The following CSMD2 variants were observed in gnomAD, a reference collection of about 807,000 sequenced individuals.
CSMD2 encodes the protein CUB and Sushi multiple domains 2, also known as CUB and sushi domain-containing protein 2.
In CSMD2, 130 loss-of-function variants were observed where a neutral mutation model predicts 398.5. The observed-to-expected ratio is 0.33, with a 90% CI of 0.28 to 0.38. The LOEUF (loss-of-function observed/expected upper bound fraction) is 0.38, where lower values mean the gene tolerates loss of function less well. Ranked by LOEUF, CSMD2 falls within the 10% of genes least tolerant of loss-of-function variation. The pLI is 1.00. For synonymous variants in CSMD2, 1,828 were observed against 1,908.5 expected, an observed-to-expected ratio of 0.96 and a Z score of 1.10; for missense variants, 3,829 against 4,764.9, an observed-to-expected ratio of 0.80 and a Z score of 5.78.
At chr1:33,523,710 T>C (rs1654517360) in intron 66 of CSMD2, among the ~76,000 whole-genome samples, 1 of 152,228 alleles carries the variant, frequency 6.6e-6, no homozygotes, top group Admixed American at 6.5e-5. Context: ...TATGATTTTG[T>C]CTTTTAATCT....
intron 2 of CSMD2, among the ~76,000 whole-genome samples, chr1:34,068,263 C>T (rs548597648): frequency 1.0e-3 from 153 of 152,320 alleles, no homozygotes; most frequent in African/African-American, 3.4e-3. Context: ...GTCATTCTCC[C>T]GTGGTCCCAC....
intron 5 of CSMD2, chr1:33,862,457 C>T (rs1639612446): frequency 6.7e-6 from 1 of 149,350 alleles, no homozygotes; most frequent in Admixed American, 6.8e-5. Context: ...CCTCATGTCC[C>T]ATCTTTTGAT....
At position 33,665,464 on chromosome 1, in the gene CSMD2, T is replaced by C. The variant is rs1644278786; in HGVS notation, c.4053-2372A>G. On this transcript the variant is annotated intron_variant, in intron 25 of 70. Coordinates refer to ENST00000373381, the MANE Select transcript of CSMD2 (RefSeq NM_001281956.2). ...TGTATAGTTTCTTTCTTCTCTCTTT[T>C]TTTTTTTTTTTTTTTTTTTTTTGCG... Among the ~76,000 whole-genome samples, 3 of 139,910 alleles carry C rather than the reference T, an allele frequency of 2.1e-5. 1 individual carries two copies. The highest frequency in any genetic ancestry group is 8.1e-5 in the African/African-American group (3 of 37,240). 91.8% of individuals were successfully genotyped at this position (139,910 alleles called of 152,430 possible). A position where few individuals can be genotyped will look rare whatever the true frequency, so the allele number is the denominator to read the frequency against.
chr1:33,756,261 C>G (rs1569755032), intron 13 of CSMD2, among the ~76,000 whole-genome samples: 1 of 152,196 alleles, frequency 6.6e-6, no homozygotes, highest in Admixed American at 6.5e-5. Flanking sequence ...AACGCCAGAC[C>G]TGTGTATCCA....
rs562574585 is a variant in CSMD2 at position 33,558,393 on chromosome 1, A to G, written c.8555-471T>C. ...ACTTTTATGAGTATTTCAGGGACAT[A>G]TTAATATCCTGGGGGATATATTTGA... On this transcript the variant is annotated intron_variant, in intron 54 of 70. Transcript: ENST00000373381. 1.3e-3 allele frequency among the ~76,000 whole-genome samples: 194 copies of G among 152,366 alleles called. 1 individual carries two copies. The highest frequency in any genetic ancestry group is 3.1e-3 in the Admixed American group (47 of 15,312).
intron 9 of CSMD2, chr1:33,815,424 C>A (rs1219220038): frequency 6.6e-6 from 1 of 152,154 alleles, no homozygotes; most frequent in African/African-American, 2.4e-5. Context: ...TACATGGGAG[C>A]TTTTTGCACA....
intron 1 of CSMD2, among the ~76,000 whole-genome samples, chr1:34,125,455 A>T (rs1394612197): frequency 6.6e-6 from 1 of 152,076 alleles, no homozygotes; most frequent in Admixed American, 6.6e-5. Flanking sequence ...TCCAGGGCAC[A>T]CACAGGTAGG....
chr1:33,531,128 A>G (rs544096170), intron 64 of CSMD2, among the ~76,000 whole-genome samples: 80 of 152,364 alleles, frequency 5.3e-4, no homozygotes, highest in African/African-American at 1.8e-3. Context: ...AATGGCAAGT[A>G]TATGAAGTTA....
At position 33,617,562 on chromosome 1, in the gene CSMD2, A is replaced by C; in HGVS notation, c.5883T>G (p.Thr1961=). The stretch of plus-strand genomic sequence containing the variant: ...CATCATTCACCAAGTAGCGCTCGCC[A>C]GTCTTCACCCCGTTACTGGGCACAG... ...EPAVPSNGVK[T]GERYLVNDVV... is the part of the protein sequence containing the mutation. The change falls in exon 38 of 71, where the codon ACT becomes ACG. Residue 1961 remains threonine (T), a synonymous_variant. Transcript: ENST00000373381. The C allele has an allele frequency of 6.2e-7, 1 of 1,614,174 alleles. No individual in the cohort carries two copies. Among genetic ancestry groups the C allele is most frequent in the Non-Finnish European group, 8.5e-7 (1 of 1,180,028 alleles).
At chr1:33,791,062 TAGGG>T (rs151189586) in intron 11 of CSMD2, among the ~76,000 whole-genome samples, 9,760 of 152,276 alleles carry the variant, frequency 0.064, 376 homozygotes, top group South Asian at 0.1. Flanking sequence ...CAGGTAGGTG[TAGGG>T]AAGTTGTGAA....
intron 7 of CSMD2, among the ~76,000 whole-genome samples, chr1:33,824,540 TCTC>T (rs780999072): frequency 3.9e-5 from 6 of 152,098 alleles, no homozygotes; most frequent in Admixed American, 6.5e-5. Flanking sequence ...AAGTGCCTCT[TCTC>T]CTGATGTTCT....
chr1:33,652,147 C>T (rs1344857458), intron 28 of CSMD2, among the ~76,000 whole-genome samples, 176 bp downstream of exon 28: 1 of 152,196 alleles, frequency 6.6e-6, no homozygotes, highest in East Asian at 1.9e-4. Flanking sequence ...CCACTGAGCA[C>T]AGTGCTTGGC....
At chr1:33,960,011 C>G (rs1645299838) in intron 3 of CSMD2, among the ~76,000 whole-genome samples, 1 of 152,156 alleles carries the variant, frequency 6.6e-6, no homozygotes, top group Admixed American at 6.5e-5. Flanking sequence ...ACTTTCGGCC[C>G]CTTTCCAAAT....
intron 12 of CSMD2, among the ~76,000 whole-genome samples, chr1:33,780,265 G>C (rs1569891362): frequency 6.6e-6 from 1 of 152,182 alleles, no homozygotes; most frequent in African/African-American, 2.4e-5. Context: ...CGGTGCATTA[G>C]GAACACCCTG....
At chr1:33,951,824 A>G (rs1374642158) in intron 3 of CSMD2, among the ~76,000 whole-genome samples, 1 of 150,914 alleles carries the variant, frequency 6.6e-6, no homozygotes, top group Non-Finnish European at 1.5e-5. Flanking sequence ...AACCACGCAC[A>G]CTCCTGCTCC....
chr1:33,692,076 G>A (rs1645260151), intron 25 of CSMD2, among the ~76,000 whole-genome samples: 1 of 152,164 alleles, frequency 6.6e-6, no homozygotes, highest in Non-Finnish European at 1.5e-5. Context: ...TGGAATCTGA[G>A]TTTTCTCATC....
intron 25 of CSMD2, among the ~76,000 whole-genome samples, chr1:33,680,639 G>A (rs1644876891): frequency 6.6e-6 from 1 of 152,060 alleles, no homozygotes; most frequent in African/African-American, 2.4e-5. Context: ...TGCCCATCCT[G>A]AGCTCCTGTA....
At position 33,519,414 on chromosome 1, in the gene CSMD2, G is replaced by A. The variant is rs1444051590; in HGVS notation, c.*53+51C>T. On this transcript the variant is annotated intron_variant, in intron 70 of 70. Coordinates refer to ENST00000373381, the MANE Select transcript of CSMD2 (RefSeq NM_001281956.2). This position sits in a 1 kb window ranked among gnomAD's most constrained non-coding sequence, Gnocchi z 5.6. ...TGGGTGGAGCCCCTGGCACGCATAG[G>A]TCCCTGTCTGTGCTTGTCATGGCCT... The A allele has an allele frequency of 1.8e-5, 21 of 1,186,970 alleles. No individual in the cohort carries two copies. Among genetic ancestry groups the A allele is most frequent in the South Asian group, 2.6e-5 (2 of 76,658 alleles). 73.5% of individuals were successfully genotyped at this position (1,186,970 alleles called of 1,614,324 possible).
Position 33,580,913 on chromosome 1 carries a change from G to C in CSMD2, c.7241-14C>G, listed in dbSNP as rs1212829616. ...GTCCTGATGGACCTGGGGTGAGAAG[G>C]ACGCAGGATTACAGACCATGGGAGC... On this transcript the variant is annotated splice_polypyrimidine_tract_variant and intron_variant, in intron 47 of 70. Transcript: ENST00000373381. 1.2e-6 allele frequency: 2 copies of C among 1,613,616 alleles called. No individual in the cohort carries two copies. The highest frequency in any genetic ancestry group is 2.7e-5 in the African/African-American group (2 of 74,912).
Sources: gnomAD v4.1 joint callset for allele counts (sites outside exome capture counted in the v4.1 genomes callset) on GRCh38, gnomAD v4.1.1 for gene constraint, Gnocchi (gnomAD v3.1) non-coding constraint, MANE v1.5 for transcripts, NCBI Gene and HGNC (gene_info 2026-07-23, HGNC 2026-07-21) for gene names.